The following ETS2 variants were observed in gnomAD, a reference collection of about 807,000 sequenced individuals.
ETS2 encodes the protein ETS proto-oncogene 2, transcription factor, also known as protein C-ets-2.
ETS2 carries 19 observed loss-of-function variants against 54.9 expected under a neutral mutation model. The observed-to-expected ratio is 0.35, with a 90% CI of 0.24 to 0.51. ETS2 has a LOEUF of 0.51. ETS2 is among the 20% of genes least tolerant of loss of function. The pLI, the probability that ETS2 is intolerant of heterozygous loss-of-function variation, is 0.97. For missense variants in ETS2, 417 were observed against 593.0 expected, an observed-to-expected ratio of 0.70 and a Z score of 3.08; for synonymous variants, 219 against 229.3, an observed-to-expected ratio of 0.95 and a Z score of 0.41.
intron 5 of ETS2, 112 bp from the exon 6 acceptor site, chr21:38,816,896 G>A (rs1260499163): frequency 1.6e-5 from 11 of 668,188 alleles, no homozygotes; most frequent in South Asian, 5.6e-5. Context: ...GAAGCACTCC[G>A]TGCATCTCAT....
chr21:38,805,660 C>A (rs1396009302), upstream of ETS2: 39 of 1,195,680 alleles, frequency 3.3e-5, no homozygotes, highest in Non-Finnish European at 4.0e-5. This position sits in a 1 kb window ranked among gnomAD's most constrained non-coding sequence, Gnocchi z 5.2. Context: ...TCCCTCGCCG[C>A]CTCCGCCCTC....
At chr21:38,816,580 C>A (rs558034132) in intron 5 of ETS2, among the ~76,000 whole-genome samples, 138 of 152,186 alleles carry the variant, frequency 9.1e-4, no homozygotes, top group Non-Finnish European at 1.8e-3. Context: ...ACTTCCCACA[C>A]CCTGGGGAAG....
At chr21:38,805,383 G>A, upstream of ETS2, 1 of 1,288,884 alleles carries the variant, frequency 7.8e-7, no homozygotes, top group Non-Finnish European at 1.0e-6. This position sits in a 1 kb window ranked among gnomAD's most constrained non-coding sequence, Gnocchi z 5.2. Flanking sequence ...TATTACCCAA[G>A]CCCGGCTGCC....
chr21:38,820,346 TA>T (rs1434560386), intron 8 of ETS2, among the ~76,000 whole-genome samples: 1 of 152,200 alleles, frequency 6.6e-6, no homozygotes, highest in African/African-American at 2.4e-5. Flanking sequence ...TTTTTAACCA[TA>T]TGGAGCCACT....
chr21:38,824,233 C>T lies in ETS2; in HGVS notation c.*1344C>T, dbSNP rs2060970052. 1.3e-5 allele frequency: 2 copies of T among 152,520 alleles called. No individual in the cohort carries two copies. Among genetic ancestry groups the T allele is most frequent in the African/African-American group, 2.4e-5 (1 of 41,420 alleles). The allele number at this position is 152,520 out of a possible 1,614,324, so 9.4% of individuals were successfully genotyped here. On this transcript the variant is annotated 3_prime_UTR_variant, in exon 10 of 10. Transcript: ENST00000360938. Reference sequence around the variant, plus strand: ...TCAACCATCTTAATAGCATGCTGCTCCTTTTTGCTCAGTGTCCACAGCAAG... The same window carrying T: ...TCAACCATCTTAATAGCATGCTGCTTCTTTTTGCTCAGTGTCCACAGCAAG...
rs539232105 is a variant in ETS2 at position 38,823,529 on chromosome 21, C to G, written c.*640C>G. On this transcript the variant is annotated 3_prime_UTR_variant, in exon 10 of 10. Coordinates refer to ENST00000360938, the MANE Select transcript of ETS2 (RefSeq NM_005239.6). Reference sequence around the variant, plus strand: ...TGCAAAGATTTAATCTGCCAAGGGCCGACTAAGAGAAGTTGTAAAGTATGT... The same window carrying G: ...TGCAAAGATTTAATCTGCCAAGGGCGGACTAAGAGAAGTTGTAAAGTATGT... 6.6e-6 allele frequency: 1 copy of G among 152,352 alleles called. No individual in the cohort carries two copies. The highest frequency in any genetic ancestry group is 3.4e-3 in the Middle Eastern group (1 of 294). The allele number at this position is 152,352 out of a possible 1,614,324, so 9.4% of individuals were successfully genotyped here. A position where few individuals can be genotyped will look rare whatever the true frequency, so the allele number is the denominator to read the frequency against.
Position 38,806,069 on chromosome 21 carries a change from C to G in ETS2, c.-52C>G. 8.6e-7 allele frequency: 1 copy of G among 1,161,640 alleles called. No homozygotes were observed. The highest frequency in any genetic ancestry group is 1.6e-5 in the South Asian group (1 of 62,448). 72.0% of individuals were successfully genotyped at this position (1,161,640 alleles called of 1,614,324 possible). A position where few individuals can be genotyped will look rare whatever the true frequency, so the allele number is the denominator to read the frequency against. The stretch of plus-strand genomic sequence containing the variant: ...CCGGCGCGCACCGAGCAGCCGCGGG[C>G]GCCGAGCAGCCACCGTCCCGACCAA... On this transcript the variant is annotated 5_prime_UTR_variant, in exon 1 of 10. Transcript: ENST00000360938. This position sits in a 1 kb window ranked among gnomAD's most constrained non-coding sequence, Gnocchi z 4.3.
rs115908228 is a variant in ETS2 at position 38,818,481 on chromosome 21, G to A, written c.646G>A (p.Gly216Ser). The change falls in exon 7 of 10, where the codon GGC becomes AGC. Residue 216 changes from glycine (G) to serine (S), a missense_variant. Gly to Ser is a moderately conservative substitution (Grantham distance 56). Coordinates refer to ENST00000360938, the MANE Select transcript of ETS2 (RefSeq NM_005239.6). ...GCAGACACAGAATTACCCCAAAGGCGGCCTCCTGGACAGCATGTGTCCGGC... is the reference window on the plus strand; with the variant it reads ...GCAGACACAGAATTACCCCAAAGGCAGCCTCCTGGACAGCATGTGTCCGGC... The part of the protein sequence containing the change: ...GMQTQNYPKG[G>S]LLDSMCPAST... 2.7e-5 allele frequency: 44 copies of A among 1,614,140 alleles called. No homozygotes were observed. The highest frequency in any genetic ancestry group is 1.3e-4 in the Admixed American group (8 of 60,016).
intron 5 of ETS2, among the ~76,000 whole-genome samples, chr21:38,815,888 C>T (rs553815805): frequency 5.5e-5 from 8 of 144,584 alleles, no homozygotes; most frequent in East Asian, 4.1e-4. Context: ...TGCAGTGAGT[C>T]GAGATCACAC....
intron 2 of ETS2, 112 bp from the exon 3 acceptor site, chr21:38,812,891 T>C: frequency 2.9e-6 from 2 of 691,134 alleles, no homozygotes; most frequent in South Asian, 3.4e-5. Context: ...GCTTCAAAAT[T>C]GCCAGTTTAA....
At chr21:38,822,104 C>T (rs2070529) in intron 9 of ETS2, among the ~76,000 whole-genome samples, 32,740 of 151,990 alleles carry the variant, frequency 0.22, 4,319 homozygotes, top group South Asian at 0.5. Flanking sequence ...AGTGTTGACC[C>T]CAGCCCTGCA....
At chr21:38,805,754 C>G (rs1414328012), upstream of ETS2, 1 of 799,954 alleles carries the variant, frequency 1.3e-6, no homozygotes, top group African/African-American at 1.9e-5. The surrounding 1 kb of genome is among the most constrained non-coding windows in gnomAD (Gnocchi z 5.2). Context: ...CCTCCCGCTT[C>G]TCCCCATCCT....
intron 1 of ETS2, 128 bp from the exon 2 acceptor site, chr21:38,809,907 C>A (rs2123407902): frequency 1.6e-6 from 1 of 612,430 alleles, no homozygotes; most frequent in South Asian, 2.1e-5. Flanking sequence ...AACAAGAATT[C>A]CCTGCATTCA....
At chr21:38,805,747 C>T (rs1406319590), upstream of ETS2, 19 of 825,916 alleles carry the variant, frequency 2.3e-5, no homozygotes, top group Non-Finnish European at 3.1e-5. The surrounding 1 kb of genome is among the most constrained non-coding windows in gnomAD (Gnocchi z 5.2). Flanking sequence ...TCCCTCTCCT[C>T]CCGCTTCTCC....
intron 8 of ETS2, 133 bp downstream of exon 8, chr21:38,819,899 T>A: frequency 3.5e-6 from 3 of 847,080 alleles, no homozygotes; most frequent in Non-Finnish European, 3.6e-6. Flanking sequence ...ACTCCATGTT[T>A]TATGCGTGGC....
At chr21:38,819,989 T>C (rs533410292) in intron 8 of ETS2, among the ~76,000 whole-genome samples, 1 of 152,160 alleles carries the variant, frequency 6.6e-6, no homozygotes, top group South Asian at 2.1e-4. Context: ...TGAGTGAAAA[T>C]TGACAGGCCA....
Position 38,816,919 on chromosome 21 carries a change from A to G in ETS2, c.506-89A>G, listed in dbSNP as rs562451865. On this transcript the variant is annotated intron_variant, in intron 5 of 9. Coordinates refer to ENST00000360938, the MANE Select transcript of ETS2 (RefSeq NM_005239.6). ...CCGTGCATCTCATCATTCTAAAATTATCATCTCACAGGAATTCAGAAAGTC... is the reference window on the plus strand; with the variant it reads ...CCGTGCATCTCATCATTCTAAAATTGTCATCTCACAGGAATTCAGAAAGTC... 6 of 743,388 alleles carry G rather than the reference A, an allele frequency of 8.1e-6. No homozygotes were observed. The African/African-American group carries it at 8.7e-5, about 11-fold the overall frequency. The allele number at this position is 743,388 out of a possible 1,614,324, so 46.0% of individuals were successfully genotyped here. A position where few individuals can be genotyped will look rare whatever the true frequency, so the allele number is the denominator to read the frequency against.
chr21:38,818,367 T>A, intron 6 of ETS2, 58 bp from the exon 7 acceptor site: 2 of 1,610,060 alleles, frequency 1.2e-6, no homozygotes, highest in Non-Finnish European at 1.7e-6. Context: ...CTCGTAGGGG[T>A]TAGTTACTGG....
Position 38,806,676 on chromosome 21 carries a change from G to C in ETS2, c.-1+556G>C. 1 of 985,430 alleles carries C rather than the reference G, an allele frequency of 1.0e-6. No individual in the cohort carries two copies. Among genetic ancestry groups the C allele is most frequent in the South Asian group, 4.7e-5 (1 of 21,288 alleles). 61.0% of individuals were successfully genotyped at this position (985,430 alleles called of 1,614,324 possible). ...GGGGCGCGGGGTGCCATGGTCACCT[G>C]CTCGCCGCGTCCAGGGCCCGGGCTG... is the stretch of plus-strand genomic sequence containing the variant. On this transcript the variant is annotated intron_variant, in intron 1 of 9. Coordinates refer to ENST00000360938, the MANE Select transcript of ETS2 (RefSeq NM_005239.6). This position sits in a 1 kb window ranked among gnomAD's most constrained non-coding sequence, Gnocchi z 4.3.
Sources: allele counts gnomAD v4.1 joint callset (sites outside exome capture counted in the v4.1 genomes callset), GRCh38; gene constraint gnomAD v4.1.1; non-coding constraint Gnocchi (gnomAD v3.1); transcripts MANE v1.5; gene names NCBI Gene and HGNC (gene_info 2026-07-23, HGNC 2026-07-21).